PAX7: variants seen among roughly 807,000 people sequenced by gnomAD.
The protein encoded by PAX7 is paired box 7.
Under a neutral mutation model 50.7 loss-of-function variants are expected in PAX7, and 18 were observed. The observed-to-expected ratio is 0.36, with a 90% CI of 0.25 to 0.53. The LOEUF is 0.53. PAX7 is among the 20% of genes least tolerant of loss of function. The pLI is 0.93. For synonymous variants in PAX7, 310 were observed against 290.4 expected (o/e 1.07, Z -0.69); for missense variants, 644 against 702.9 (o/e 0.92, Z 0.95).
intron 4 of PAX7, among the ~76,000 whole-genome samples, chr1:18,662,470 C>T (rs1474461799): frequency 6.6e-6 from 1 of 152,182 alleles, no homozygotes; most frequent in South Asian, 2.1e-4. Context: ...TGTAAGAGAG[C>T]CTGTAGATTC....
intron 7 of PAX7, among the ~76,000 whole-genome samples, chr1:18,713,259 G>A (rs1204783278): frequency 1.3e-5 from 2 of 152,286 alleles, no homozygotes; most frequent in Admixed American, 1.3e-4. Context: ...CTGCTTGGAA[G>A]CTCTAGATGT....
chr1:18,724,478 C>G (rs532880659), intron 7 of PAX7, among the ~76,000 whole-genome samples: 2 of 152,238 alleles, frequency 1.3e-5, no homozygotes, highest in African/African-American at 4.8e-5. Flanking sequence ...GAAAACCAAT[C>G]CGTAACTTCG....
At chr1:18,631,736 C>A in intron 1 of PAX7, 48 bp downstream of exon 1, 3 of 1,501,532 alleles carry the variant, frequency 2.0e-6, no homozygotes, top group Non-Finnish European at 2.8e-6. Flanking sequence ...GCCCGGAACT[C>A]GGGGTCCTTG....
intron 4 of PAX7, among the ~76,000 whole-genome samples, chr1:18,675,047 C>G (rs1193272236): frequency 1.3e-5 from 2 of 152,102 alleles, no homozygotes; most frequent in African/African-American, 4.8e-5. Flanking sequence ...CGGTGTCTGC[C>G]CCACCTGGGT....
At chr1:18,678,477 C>T (rs1045253609) in intron 4 of PAX7, among the ~76,000 whole-genome samples, 12 of 152,032 alleles carry the variant, frequency 7.9e-5, no homozygotes, top group African/African-American at 2.9e-4. Flanking sequence ...GAGTAATGCC[C>T]GATATAAGAA....
In PAX7 at chr1:18,745,600, C is replaced by T. The variant is rs923367449; in HGVS notation, c.*671C>T. On this transcript the variant is annotated 3_prime_UTR_variant, in exon 9 of 9. Transcript: ENST00000420770. Reference sequence around the variant, plus strand: ...GGGAAATCTAGCACAGGCAGGGAGACTGGGGAGACCAGGAAGAGGCTTAAC... The same window carrying T: ...GGGAAATCTAGCACAGGCAGGGAGATTGGGGAGACCAGGAAGAGGCTTAAC... The T allele has an allele frequency of 3.0e-5, 7 of 230,704 alleles. No homozygotes were observed. Among genetic ancestry groups the T allele is most frequent in the African/African-American group, 1.6e-4 (7 of 45,146 alleles). 14.3% of individuals were successfully genotyped at this position (230,704 alleles called of 1,614,324 possible).
intron 3 of PAX7, among the ~76,000 whole-genome samples, chr1:18,635,608 A>G (rs1415990725): frequency 6.6e-6 from 1 of 152,046 alleles, no homozygotes; most frequent in Admixed American, 6.6e-5. Flanking sequence ...AAGCTGGATG[A>G]TAAGAGAGCC....
At chr1:18,648,159 G>A (rs1474355697) in intron 4 of PAX7, among the ~76,000 whole-genome samples, 1 of 151,978 alleles carries the variant, frequency 6.6e-6, no homozygotes, top group Non-Finnish European at 1.5e-5. Flanking sequence ...AAAGGAGGTA[G>A]GTGAGGGTAT....
intron 4 of PAX7, among the ~76,000 whole-genome samples, chr1:18,690,617 A>C (rs533533288): frequency 6.6e-6 from 1 of 152,254 alleles, no homozygotes; most frequent in African/African-American, 2.4e-5. Context: ...GATAACCCCA[A>C]CCAGGCCTGG....
At chr1:18,641,366 G>T (rs1359481135) in intron 4 of PAX7, among the ~76,000 whole-genome samples, 1 of 152,242 alleles carries the variant, frequency 6.6e-6, no homozygotes, top group African/African-American at 2.4e-5. Context: ...CTGCGGAAGA[G>T]CTGAGTGTTG....
At chr1:18,637,369 A>T (rs2100425190) in intron 4 of PAX7, among the ~76,000 whole-genome samples, 1 of 143,334 alleles carries the variant, frequency 7.0e-6, no homozygotes, top group Non-Finnish European at 1.5e-5. Flanking sequence ...GAAGACCCAG[A>T]GTCACAAAGA....
chr1:18,719,327 G>A lies in PAX7; in HGVS notation c.1155+16031G>A, dbSNP rs562568160. ...GAATGAGTGCTGGATGAGGAGACGG[G>A]AGACCTGGGTGGGGCTTTTGAGGGA... On this transcript the variant is annotated intron_variant, in intron 7 of 8. Coordinates refer to ENST00000420770, the MANE Select transcript of PAX7 (RefSeq NM_001135254.2). 4.6e-5 allele frequency among the ~76,000 whole-genome samples: 7 copies of A among 152,318 alleles called. No individual in the cohort carries two copies. The South Asian group carries it at 1.5e-3, about 32-fold the overall frequency.
chr1:18,636,448 C>A lies in PAX7; in HGVS notation c.586+77C>A. The A allele has an allele frequency of 6.6e-7, 1 of 1,514,580 alleles. No homozygotes were observed. Among genetic ancestry groups the A allele is most frequent in the Non-Finnish European group, 8.9e-7 (1 of 1,117,500 alleles). The allele number at this position is 1,514,580 out of a possible 1,614,324, so 93.8% of individuals were successfully genotyped here. A position where few individuals can be genotyped will look rare whatever the true frequency, so the allele number is the denominator to read the frequency against. ...CGGTGTGCGGGCCAGTGGTTCGCTC[C>A]CGCCGCCGGAGCAGGCGACCAGAAC... On this transcript the variant is annotated intron_variant, in intron 4 of 8. Coordinates refer to ENST00000420770, the MANE Select transcript of PAX7 (RefSeq NM_001135254.2). The surrounding 1 kb of genome is among the most constrained non-coding windows in gnomAD (Gnocchi z 5.1).
intron 7 of PAX7, among the ~76,000 whole-genome samples, chr1:18,733,681 C>G (rs1222079636): frequency 6.6e-6 from 1 of 152,176 alleles, no homozygotes; most frequent in East Asian, 1.9e-4. Context: ...TAAGCTTCCC[C>G]CAGAGCAAGG....
At chr1:18,676,870 C>T (rs1044651221) in intron 4 of PAX7, among the ~76,000 whole-genome samples, 1 of 152,210 alleles carries the variant, frequency 6.6e-6, no homozygotes, top group Non-Finnish European at 1.5e-5. Context: ...GCCCAGACCC[C>T]TTCTCAGGGG....
rs12062153 is a variant in PAX7, at chr1:18,681,894, C to T, written c.587-9860C>T. 8.7e-3 allele frequency among the ~76,000 whole-genome samples: 1,321 copies of T among 152,146 alleles called. 4 individuals carry two copies. The highest frequency in any genetic ancestry group is 0.014 in the South Asian group (66 of 4,820). On this transcript the variant is annotated intron_variant, in intron 4 of 8. Coordinates refer to ENST00000420770, the MANE Select transcript of PAX7 (RefSeq NM_001135254.2). The stretch of plus-strand genomic sequence containing the variant: ...AGCTGGGATTACAGGCATGCACCAA[C>T]ATGTCTGGCTAATTTTGTATTTTTA...
chr1:18,681,732 T>TTATG (rs2088904221), intron 4 of PAX7, among the ~76,000 whole-genome samples: 1 of 144,176 alleles, frequency 6.9e-6, no homozygotes, highest in Admixed American at 7.0e-5. Context: ...TTTATTTTAT[T>TTATG]TTATTTTATT....
At chr1:18,646,146 T>A (rs2088334421) in intron 4 of PAX7, among the ~76,000 whole-genome samples, 1 of 152,262 alleles carries the variant, frequency 6.6e-6, no homozygotes, top group Admixed American at 6.5e-5. Context: ...GGGAAGATTC[T>A]GAATGATTGC....
intron 5 of PAX7, among the ~76,000 whole-genome samples, chr1:18,692,917 G>T (rs1473251312): frequency 6.6e-6 from 1 of 152,196 alleles, no homozygotes; most frequent in Non-Finnish European, 1.5e-5. Flanking sequence ...AAGGCCTGCT[G>T]TAGGGGGCCT....
Sources: gnomAD v4.1 joint callset for allele counts (sites outside exome capture counted in the v4.1 genomes callset) on GRCh38, gnomAD v4.1.1 for gene constraint, Gnocchi (gnomAD v3.1) non-coding constraint, MANE v1.5 for transcripts, NCBI Gene and HGNC (gene_info 2026-07-23, HGNC 2026-07-21) for gene names.